DLGAP2: variants seen among roughly 807,000 people sequenced by gnomAD.
The protein encoded by DLGAP2 is DLG associated protein 2.
A neutral mutation model predicts 100.3 loss-of-function variants in DLGAP2; 26 were observed. The observed-to-expected ratio is 0.26, with a 90% CI of 0.19 to 0.36. The LOEUF (loss-of-function observed/expected upper bound fraction) is 0.36. DLGAP2 is among the 10% of genes least tolerant of loss of function. The probability of loss-of-function intolerance (pLI) is 1.00; values close to 1 mark genes in which losing one functional copy is unlikely to be tolerated. For missense variants in DLGAP2, 1,858 were observed against 1,453.2 expected, an observed-to-expected ratio of 1.28 and a Z score of -4.53; for synonymous variants, 886 against 630.1, an observed-to-expected ratio of 1.41 and a Z score of -6.08.
chr8:785,299 C>G (rs1821814311), intron 1 of DLGAP2, among the ~76,000 whole-genome samples: 1 of 148,450 alleles, frequency 6.7e-6, no homozygotes, highest in Non-Finnish European at 1.5e-5. Flanking sequence ...CATGCTTGAG[C>G]CAAAGCTCTG....
rs1038782627 is a variant in DLGAP2 at position 1,701,037 on chromosome 8, G to A, written c.2950-151G>A. On this transcript the variant is annotated intron_variant, in intron 14 of 14. Coordinates refer to ENST00000637795, the MANE Select transcript of DLGAP2 (RefSeq NM_001346810.2). ...GGCAGGCCTGTGGCCTGGGAGCCGG[G>A]GACCAGGGCAGACGGGGGACGGGAG... 7.8e-5 allele frequency: 55 copies of A among 703,742 alleles called. 1 individual carries two copies. In the East Asian group the frequency reaches 1.5e-3, roughly 20 times the overall value. The allele number at this position is 703,742 out of a possible 1,614,324, so 43.6% of individuals were successfully genotyped here.
At position 1,519,877 on chromosome 8, in the gene DLGAP2, A is replaced by C. The variant is rs373797472; in HGVS notation, c.172+18446A>C. On this transcript the variant is annotated intron_variant, in intron 4 of 14. Coordinates refer to ENST00000637795, the MANE Select transcript of DLGAP2 (RefSeq NM_001346810.2). ...CTTTGGGGGCACAGAGCAGGGGAGC[A>C]TGGGTGGGGTGGGGATCCTAGACCA... 3.3e-5 allele frequency among the ~76,000 whole-genome samples: 5 copies of C among 152,250 alleles called. No homozygotes were observed. The South Asian group carries it at 6.2e-4, about 19-fold the overall frequency.
chr8:1,350,079 A>C lies in DLGAP2; in HGVS notation c.106+91196A>C, dbSNP rs565867437. On this transcript the variant is annotated intron_variant, in intron 3 of 14. Transcript: ENST00000637795. ...CCGTTTCGATATTAAACCATTTATA[A>C]GGTGCCAATAATTTATTCATATTTG... Among the ~76,000 whole-genome samples, 3 of 152,372 alleles carry C rather than the reference A, an allele frequency of 2.0e-5. No homozygotes were observed. The East Asian group carries it at 5.8e-4, about 29-fold the overall frequency.
At chr8:1,377,675 C>T (rs1378859486) in intron 3 of DLGAP2, among the ~76,000 whole-genome samples, 1 of 152,218 alleles carries the variant, frequency 6.6e-6, no homozygotes, top group East Asian at 1.9e-4. Context: ...GAGGGCCTTG[C>T]CAGCGTGGGG....
chr8:1,127,016 C>G (rs1796180629), intron 2 of DLGAP2, among the ~76,000 whole-genome samples: 1 of 150,548 alleles, frequency 6.6e-6, no homozygotes, highest in Non-Finnish European at 1.5e-5. Context: ...TGAGGGATGC[C>G]CACCCTGTCC....
chr8:1,475,628 G>A lies in DLGAP2; in HGVS notation c.107-25738G>A, dbSNP rs138685307. ...CAAAGTCGTTGACCCCCATAATTCA[G>A]GAACATTGCTTGTCATCCCGGGACC... is the stretch of plus-strand genomic sequence containing the variant. On this transcript the variant is annotated intron_variant, in intron 3 of 14. Transcript: ENST00000637795. Among the ~76,000 whole-genome samples the A allele has an allele frequency of 2.5e-3, 385 of 152,268 alleles. 3 individuals carry two copies. The highest frequency in any genetic ancestry group is 8.8e-3 in the African/African-American group (367 of 41,558).
intron 3 of DLGAP2, among the ~76,000 whole-genome samples, chr8:1,316,579 G>A (rs1238496766): frequency 7.4e-5 from 10 of 135,708 alleles, no homozygotes; most frequent in African/African-American, 8.3e-5. Context: ...TCCAACAGTG[G>A]TCTACACTCG....
At chr8:955,194 T>C (rs936835768) in intron 2 of DLGAP2, among the ~76,000 whole-genome samples, 1 of 152,094 alleles carries the variant, frequency 6.6e-6, no homozygotes, top group Non-Finnish European at 1.5e-5. Context: ...GTATTTGAGT[T>C]TGCTTCCCGA....
At chr8:1,201,593 G>A (rs896283043) in intron 2 of DLGAP2, among the ~76,000 whole-genome samples, 5 of 152,210 alleles carry the variant, frequency 3.3e-5, no homozygotes, top group Non-Finnish European at 5.9e-5. Flanking sequence ...TCACCGGCAC[G>A]GCAGGGGTAG....
intron 5 of DLGAP2, among the ~76,000 whole-genome samples, chr8:1,559,133 C>T (rs1802074250): frequency 6.6e-6 from 1 of 152,268 alleles, no homozygotes; most frequent in East Asian, 1.9e-4. Context: ...TATGAAAATG[C>T]CTTTTTGTTA....
At chr8:1,200,234 C>G (rs1797841338) in intron 2 of DLGAP2, among the ~76,000 whole-genome samples, 1 of 152,234 alleles carries the variant, frequency 6.6e-6, no homozygotes, top group African/African-American at 2.4e-5. Flanking sequence ...AGCTTCGTGT[C>G]TTTTCCTCAC....
chr8:814,977 G>T (rs1796450128), intron 1 of DLGAP2, among the ~76,000 whole-genome samples: 1 of 150,628 alleles, frequency 6.6e-6, no homozygotes, highest in Non-Finnish European at 1.5e-5. Flanking sequence ...TTAAGCTAAA[G>T]AAATTTCCTA....
rs1799045575 is a variant in DLGAP2, at chr8:1,683,987, T to TAC, written c.2704+5359_2704+5360dup. Reference sequence around the variant, plus strand: ...ATATATATATATATATATATATATATACTTTTTTTTTTAAGACGAAGTCTC... The same window carrying TAC: ...ATATATATATATATATATATATATATACACTTTTTTTTTTAAGACGAAGTCTC... On this transcript the variant is annotated intron_variant, in intron 12 of 14. Coordinates refer to ENST00000637795, the MANE Select transcript of DLGAP2 (RefSeq NM_001346810.2). Among the ~76,000 whole-genome samples the TAC allele has an allele frequency of 1.1e-3, 114 of 99,666 alleles. 1 individual carries two copies. Among genetic ancestry groups the TAC allele is most frequent in the African/African-American group, 4.1e-3 (112 of 27,052 alleles). 65.4% of individuals were successfully genotyped at this position (99,666 alleles called of 152,430 possible).
chr8:966,555 T>A (rs1799876349), intron 2 of DLGAP2, among the ~76,000 whole-genome samples: 1 of 152,338 alleles, frequency 6.6e-6, no homozygotes, highest in South Asian at 2.1e-4. Flanking sequence ...TCAAACTTTT[T>A]AAAAAATGAC....
At chr8:1,306,087 AAAAAAGAGAG>A (rs1389014844) in intron 3 of DLGAP2, among the ~76,000 whole-genome samples, 1 of 150,726 alleles carries the variant, frequency 6.6e-6, no homozygotes, top group African/African-American at 2.5e-5. Flanking sequence ...AAAAAAAAAA[AAAAAAGAGAG>A]AGGGAGAAAA....
chr8:761,945 A>T (rs1231842216), intron 1 of DLGAP2, among the ~76,000 whole-genome samples: 1 of 152,210 alleles, frequency 6.6e-6, no homozygotes, highest in East Asian at 1.9e-4. Context: ...CTTCTGAAGC[A>T]GGAGATTTTC....
chr8:1,130,237 T>A (rs1465772094), intron 2 of DLGAP2, among the ~76,000 whole-genome samples: 1 of 152,170 alleles, frequency 6.6e-6, no homozygotes, highest in African/African-American at 2.4e-5. Flanking sequence ...CTGGCCTCTT[T>A]AGATTTGAAA....
intron 1 of DLGAP2, among the ~76,000 whole-genome samples, chr8:761,274 C>G (rs1254461397): frequency 1.3e-5 from 2 of 152,178 alleles, no homozygotes; most frequent in African/African-American, 2.4e-5. Flanking sequence ...CGCCTTCCAT[C>G]TCTGTGGATT....
chr8:860,181 G>T (rs188005779), intron 1 of DLGAP2, among the ~76,000 whole-genome samples: 1 of 152,304 alleles, frequency 6.6e-6, no homozygotes, highest in Non-Finnish European at 1.5e-5. Flanking sequence ...ACTTCTTGTG[G>T]TAGCCTTACA....
Sources: allele counts gnomAD v4.1 joint callset (sites outside exome capture counted in the v4.1 genomes callset), GRCh38; gene constraint gnomAD v4.1.1; transcripts MANE v1.5; gene names NCBI Gene and HGNC (gene_info 2026-07-23, HGNC 2026-07-21).